Variants in GHR observed in about 807,000 individuals in gnomAD.
GHR encodes the protein growth hormone receptor, also known as GH receptor.
Under a neutral mutation model 67.1 loss-of-function variants are expected in GHR, and 35 were observed. That is an observed-to-expected ratio of 0.52 (90% CI 0.40 to 0.69). GHR has a LOEUF of 0.69. GHR is among the 30% of genes least tolerant of loss of function. The pLI, the probability that GHR is intolerant of heterozygous loss-of-function variation, is 0.00. For missense variants in GHR, 792 were observed against 764.6 expected (o/e 1.04, Z -0.42); for synonymous variants, 272 against 269.1 (o/e 1.01, Z -0.10).
At chr5:42,713,582 C>T in intron 8 of GHR, 63 bp downstream of exon 8, 1 of 804,540 alleles carries the variant, frequency 1.2e-6, no homozygotes, top group South Asian at 1.4e-5. Flanking sequence ...ATATGTGTTT[C>T]TATTTGTTAT....
chr5:42,711,364 G>T lies in GHR; in HGVS notation c.776G>T (p.Cys259Phe). ...VTLPQMSQFTCEEDFYFPWLL... is the reference protein window; with the variant it reads ...VTLPQMSQFTFEEDFYFPWLL... The stretch of plus-strand genomic sequence containing the variant: ...CTTCCTCAGATGAGCCAATTTACAT[G>T]TGAAGAAGGTAAAAGAAATAAAAGA... Residue 259 changes from cysteine to phenylalanine, a missense_variant, in exon 7 of 10, where the codon TGT becomes TTT. Physicochemically the swap from Cys to Phe is radical, Grantham distance 205. Coordinates refer to ENST00000230882, the MANE Select transcript of GHR (RefSeq NM_000163.5). The T allele has an allele frequency of 6.2e-7, 1 of 1,608,406 alleles. No individual in the cohort carries two copies. Among genetic ancestry groups the T allele is most frequent in the Non-Finnish European group, 8.5e-7 (1 of 1,174,792 alleles).
chr5:42,530,022 T>TTTTTTTA (rs1747893923), intron 1 of GHR, among the ~76,000 whole-genome samples: 1 of 143,152 alleles, frequency 7.0e-6, no homozygotes, highest in African/African-American at 2.6e-5. Flanking sequence ...TTTTTTTTTT[T>TTTTTTTA]TGCTTTGCAA....
At chr5:42,548,805 C>A (rs544310789) in intron 1 of GHR, among the ~76,000 whole-genome samples, 29 of 152,274 alleles carry the variant, frequency 1.9e-4, no homozygotes, top group African/African-American at 7.0e-4. Context: ...GCAAAGAAAG[C>A]CTTTGGCTGC....
At chr5:42,624,956 G>GT (rs1753627239) in intron 2 of GHR, among the ~76,000 whole-genome samples, 1 of 152,174 alleles carries the variant, frequency 6.6e-6, no homozygotes, top group Non-Finnish European at 1.5e-5. Context: ...AAATCAAGGT[G>GT]TAGTACTTTA....
chr5:42,444,051 A>G (rs911335385), intron 1 of GHR, among the ~76,000 whole-genome samples: 5 of 152,126 alleles, frequency 3.3e-5, no homozygotes, highest in Non-Finnish European at 7.4e-5. Context: ...TAATGGATAT[A>G]TAATGGTTAT....
chr5:42,520,048 A>C (rs1266280313), intron 1 of GHR, among the ~76,000 whole-genome samples: 1 of 152,186 alleles, frequency 6.6e-6, no homozygotes. Context: ...TTGCTGATAC[A>C]CAACAAAATA....
intron 8 of GHR, among the ~76,000 whole-genome samples, chr5:42,715,568 C>T (rs924585396): frequency 2.0e-5 from 3 of 152,232 alleles, no homozygotes; most frequent in Non-Finnish European, 4.4e-5. Flanking sequence ...TCCTACCACA[C>T]AACCCTCCCA....
intron 1 of GHR, among the ~76,000 whole-genome samples, chr5:42,487,108 G>T (rs2972420): frequency 0.47 from 70,726 of 151,956 alleles, 16,970 homozygotes; most frequent in Middle Eastern, 0.53. Context: ...AGGGAGAACT[G>T]CTGTACTTTG....
chr5:42,458,627 G>A (rs1744358909), intron 1 of GHR, among the ~76,000 whole-genome samples: 1 of 152,044 alleles, frequency 6.6e-6, no homozygotes, highest in Non-Finnish European at 1.5e-5. Flanking sequence ...TGCAACAAAA[G>A]CAAAAATTGA....
chr5:42,433,748 T>A (rs999573901), intron 1 of GHR, among the ~76,000 whole-genome samples: 10 of 146,986 alleles, frequency 6.8e-5, no homozygotes, highest in African/African-American at 2.5e-4. Flanking sequence ...TTTTTTTTTT[T>A]TTTTTTTTGG....
At chr5:42,696,408 A>T (rs910183594) in intron 5 of GHR, among the ~76,000 whole-genome samples, 1 of 152,218 alleles carries the variant, frequency 6.6e-6, no homozygotes, top group Non-Finnish European at 1.5e-5. Context: ...CTGCACAGAG[A>T]TGGTGACAGT....
chr5:42,511,654 TCTTC>T (rs1276158457), intron 1 of GHR, among the ~76,000 whole-genome samples: 1 of 152,184 alleles, frequency 6.6e-6, no homozygotes, highest in Non-Finnish European at 1.5e-5. Context: ...TAATAATTTG[TCTTC>T]CTTTACTTAC....
intron 1 of GHR, among the ~76,000 whole-genome samples, chr5:42,444,201 T>G (rs1239157541): frequency 6.6e-6 from 1 of 152,144 alleles, no homozygotes; most frequent in East Asian, 1.9e-4. Flanking sequence ...TTGGTTTTCT[T>G]TAGGATGGTG....
chr5:42,614,358 A>G (rs1239141910), intron 2 of GHR, among the ~76,000 whole-genome samples: 1 of 151,824 alleles, frequency 6.6e-6, no homozygotes, highest in East Asian at 1.9e-4. Flanking sequence ...AAAAGGAAAA[A>G]GGGAGGAAAA....
chr5:42,663,013 T>A (rs1302431987), intron 3 of GHR, among the ~76,000 whole-genome samples: 1 of 152,112 alleles, frequency 6.6e-6, no homozygotes, highest in Non-Finnish European at 1.5e-5. Context: ...GATAAATTCC[T>A]CAACACATAC....
At position 42,701,169 on chromosome 5, in the gene GHR, G is replaced by T. The variant is rs567862675; in HGVS notation, c.618+1167G>T. Among the ~76,000 whole-genome samples, 13 of 152,184 alleles carry T rather than the reference G, an allele frequency of 8.5e-5. 1 individual carries two copies. In the South Asian group the frequency reaches 2.7e-3, roughly 32 times the overall value. On this transcript the variant is annotated intron_variant, in intron 6 of 9. Transcript: ENST00000230882. ...ACTAAAATATTATTTTATTAACTAT[G>T]TTGAAATTTAACTTAATGGCACAAA...
intron 1 of GHR, among the ~76,000 whole-genome samples, chr5:42,559,816 T>C (rs1749504100): frequency 6.6e-6 from 1 of 152,188 alleles, no homozygotes; most frequent in African/African-American, 2.4e-5. Flanking sequence ...CAAATTATCA[T>C]CACCATAAAA....
At chr5:42,571,831 G>T (rs745950490) in intron 2 of GHR, among the ~76,000 whole-genome samples, 1 of 152,184 alleles carries the variant, frequency 6.6e-6, no homozygotes, top group Non-Finnish European at 1.5e-5. Context: ...TGTGGCTCTT[G>T]TTATGGGGTA....
intron 1 of GHR, chr5:42,514,502 T>A (rs184359091): frequency 1.7e-4 from 30 of 179,976 alleles, no homozygotes; most frequent in East Asian, 1.5e-3. Context: ...TTCAGAGATA[T>A]TGGGATACCC....
Sources: gnomAD v4.1 joint callset for allele counts (sites outside exome capture counted in the v4.1 genomes callset) on GRCh38, gnomAD v4.1.1 for gene constraint, MANE v1.5 for transcripts, NCBI Gene and HGNC (gene_info 2026-07-23, HGNC 2026-07-21) for gene names.